Variants in LHCGR observed in about 807,000 individuals in gnomAD.
The protein encoded by LHCGR is luteinizing hormone/choriogonadotropin receptor.
Under a neutral mutation model 60.7 loss-of-function variants are expected in LHCGR, and 55 were observed. The ratio of observed to expected loss-of-function variants is 0.91; its 90% CI spans 0.73 to 1.13. LHCGR has a LOEUF of 1.13. Among genes scored for constraint, LHCGR ranks in the 50% most tolerant of loss-of-function variants. The pLI, the probability that LHCGR is intolerant of heterozygous loss-of-function variation, is 0.00. For missense variants in LHCGR, 862 were observed against 836.0 expected (o/e 1.03, Z -0.38); for synonymous variants, 337 against 316.5 (o/e 1.06, Z -0.69).
intron 1 of LHCGR, among the ~76,000 whole-genome samples, chr2:48,748,354 G>A (rs557634788): frequency 6.6e-6 from 1 of 152,152 alleles, no homozygotes; most frequent in South Asian, 2.1e-4. Flanking sequence ...TGGGGAAAGG[G>A]GGGAGGAAAA....
intron 1 of LHCGR, among the ~76,000 whole-genome samples, chr2:48,731,955 A>G (rs573586391): frequency 2.0e-5 from 3 of 152,252 alleles, no homozygotes; most frequent in Non-Finnish European, 4.4e-5. Context: ...TCACATGGGC[A>G]TCTCATGTCA....
intron 1 of LHCGR, among the ~76,000 whole-genome samples, chr2:48,739,871 C>T (rs1437901747): frequency 6.6e-6 from 1 of 152,214 alleles, no homozygotes; most frequent in Non-Finnish European, 1.5e-5. Flanking sequence ...CTCCAGTCTA[C>T]AGCTCCCAGC....
At chr2:48,702,602 T>G (rs1301402453) in intron 8 of LHCGR, among the ~76,000 whole-genome samples, 1 of 152,224 alleles carries the variant, frequency 6.6e-6, no homozygotes, top group Non-Finnish European at 1.5e-5. Flanking sequence ...TTATCCTTTT[T>G]TATGGCTGCA....
chr2:48,713,949 T>A (rs1290776615), intron 7 of LHCGR, 37 bp downstream of exon 7: 2 of 1,466,476 alleles, frequency 1.4e-6, no homozygotes, highest in Admixed American at 3.3e-5. Context: ...AATATTTCAT[T>A]TTTATTCCTG....
intron 1 of LHCGR, among the ~76,000 whole-genome samples, chr2:48,752,296 C>T (rs1226909037): frequency 6.6e-6 from 1 of 152,012 alleles, no homozygotes; most frequent in Non-Finnish European, 1.5e-5. Flanking sequence ...AAATAGTGAA[C>T]TTTGGATGGA....
intron 8 of LHCGR, 88 bp from the exon 9 acceptor site, chr2:48,698,888 C>A: frequency 8.7e-7 from 1 of 1,149,712 alleles, no homozygotes; most frequent in South Asian, 1.4e-5. Flanking sequence ...GTCGCCCAGG[C>A]TGGAGTGCAG....
chr2:48,751,482 T>C (rs1669953268), intron 1 of LHCGR, among the ~76,000 whole-genome samples: 1 of 152,194 alleles, frequency 6.6e-6, no homozygotes, highest in African/African-American at 2.4e-5. Context: ...AGCCTTCCCT[T>C]GGAGACTTCA....
At chr2:48,711,801 TCC>T (rs1024953506) in intron 7 of LHCGR, among the ~76,000 whole-genome samples, 1 of 152,170 alleles carries the variant, frequency 6.6e-6, no homozygotes, top group African/African-American at 2.4e-5. Context: ...ATTCAGATGA[TCC>T]TGGCATTTGT....
chr2:48,745,727 G>T (rs1199302072), intron 1 of LHCGR, among the ~76,000 whole-genome samples: 1 of 150,556 alleles, frequency 6.6e-6, no homozygotes, highest in Non-Finnish European at 1.5e-5. Flanking sequence ...GGATAGCGTT[G>T]GGAGATATAC....
intron 3 of LHCGR, among the ~76,000 whole-genome samples, chr2:48,726,265 G>C (rs888619806): frequency 2.6e-5 from 4 of 152,168 alleles, no homozygotes; most frequent in African/African-American, 4.8e-5. Context: ...CTTGAATTTG[G>C]GGGATTTTAT....
In LHCGR at chr2:48,693,260, C is replaced by T. The variant is rs1558809353; in HGVS notation, c.947+964G>A. 2.6e-5 allele frequency among the ~76,000 whole-genome samples: 4 copies of T among 152,242 alleles called. No individual in the cohort carries two copies. The South Asian group carries it at 6.2e-4, about 24-fold the overall frequency. On this transcript the variant is annotated intron_variant, in intron 10 of 10. Coordinates refer to ENST00000294954, the MANE Select transcript of LHCGR (RefSeq NM_000233.4). ...AATACTTATTTACCCTTGGTGTTGT[C>T]GCATTGCTTAGCAACTTCCTTCATT... is the stretch of plus-strand genomic sequence containing the variant.
chr2:48,725,892 C>T (rs1668697319), intron 3 of LHCGR, 142 bp from the exon 4 acceptor site: 1 of 710,992 alleles, frequency 1.4e-6, no homozygotes, highest in African/African-American at 1.8e-5. Flanking sequence ...GGGAGGACCC[C>T]TAGCGACTCT....
In LHCGR at chr2:48,698,627, A is replaced by G. The variant is rs1160743512; in HGVS notation, c.854T>C (p.Leu285Ser). 2.5e-6 allele frequency: 4 copies of G among 1,614,050 alleles called. No homozygotes were observed. Among genetic ancestry groups the G allele is most frequent in the Non-Finnish European group, 3.4e-6 (4 of 1,179,950 alleles). Residue 285 changes from leucine to serine, a missense_variant, in exon 9 of 11, where the codon TTG (leucine) becomes TCG (serine). By Grantham distance (145) the Leu-to-Ser change is moderately radical (BLOSUM62 -2). Coordinates refer to ENST00000294954, the MANE Select transcript of LHCGR (RefSeq NM_000233.4). Reference protein sequence around the residue: ...YPSHCCAFRNLPTKEQNFSHS... With the variant: ...YPSHCCAFRNSPTKEQNFSHS... ...GGTTTCTACTTACTCTTTTGTTGGC[A>G]AGTTTCTAAAAGCACAGCAGTGGCT...
intron 6 of LHCGR, among the ~76,000 whole-genome samples, chr2:48,718,393 G>A (rs143447401): frequency 6.6e-6 from 1 of 152,192 alleles, no homozygotes; most frequent in Admixed American, 6.5e-5. Context: ...TATTCCTGGG[G>A]CTCTAAAAGC....
intron 8 of LHCGR, among the ~76,000 whole-genome samples, chr2:48,702,981 G>A (rs1384929443): frequency 1.3e-5 from 2 of 152,180 alleles, no homozygotes; most frequent in Admixed American, 6.5e-5. Context: ...GCATGAGATG[G>A]TATCTCATTG....
chr2:48,718,984 T>C (rs990107422), intron 6 of LHCGR, among the ~76,000 whole-genome samples: 1 of 152,198 alleles, frequency 6.6e-6, no homozygotes, highest in Non-Finnish European at 1.5e-5. Flanking sequence ...CTTTACTATA[T>C]GTAATAATAA....
At chr2:48,730,814 AT>A (rs1668954372) in intron 2 of LHCGR, among the ~76,000 whole-genome samples, 1 of 152,212 alleles carries the variant, frequency 6.6e-6, no homozygotes, top group African/African-American at 2.4e-5. Context: ...TCATATACTT[AT>A]ATTTTAGATA....
intron 1 of LHCGR, among the ~76,000 whole-genome samples, chr2:48,751,823 T>A (rs1572900455): frequency 1.3e-5 from 2 of 152,228 alleles, no homozygotes; most frequent in East Asian, 3.8e-4. Context: ...GGATTATGTC[T>A]TCAACAAAAT....
intron 1 of LHCGR, among the ~76,000 whole-genome samples, chr2:48,754,069 G>C (rs1670099499): frequency 6.6e-6 from 1 of 152,168 alleles, no homozygotes; most frequent in Non-Finnish European, 1.5e-5. Flanking sequence ...ACCAGGGCTG[G>C]AACTTGGAAG....
Sources: allele counts gnomAD v4.1 joint callset (sites outside exome capture counted in the v4.1 genomes callset), GRCh38; gene constraint gnomAD v4.1.1; transcripts MANE v1.5; gene names NCBI Gene and HGNC (gene_info 2026-07-23, HGNC 2026-07-21).